WDR1: variants seen among roughly 807,000 people sequenced by gnomAD.
WDR1 encodes the protein WD repeat-containing protein 1.
A neutral mutation model predicts 71.9 loss-of-function variants in WDR1; 21 were observed. The observed-to-expected ratio is 0.29, with a 90% CI of 0.21 to 0.42. The LOEUF (loss-of-function observed/expected upper bound fraction) is 0.42. Ranked by LOEUF, WDR1 falls within the 10% of genes least tolerant of loss-of-function variation. WDR1 has a pLI of 1.00. For missense variants in WDR1, 696 were observed against 824.5 expected (o/e 0.84, Z 1.91); for synonymous variants, 424 against 347.4 (o/e 1.22, Z -2.45).
intron 14 of WDR1, 149 bp from the exon 15 acceptor site, chr4:10,075,633 G>A (rs1018308025): frequency 1.8e-5 from 13 of 716,378 alleles, no homozygotes; most frequent in African/African-American, 3.5e-5. Flanking sequence ...AGCCTGGCAC[G>A]GTGGCAGTGT....
At chr4:10,086,508 G>A (rs778716704) in intron 8 of WDR1, among the ~76,000 whole-genome samples, 13 of 152,194 alleles carry the variant, frequency 8.5e-5, no homozygotes, top group Non-Finnish European at 1.5e-4. Context: ...AAACTCCCAT[G>A]TAGAATGGAT....
chr4:10,099,736 C>T (rs912007505), intron 3 of WDR1, among the ~76,000 whole-genome samples: 4 of 152,282 alleles, frequency 2.6e-5, no homozygotes, highest in Non-Finnish European at 5.9e-5. Context: ...TTCCCAACAG[C>T]GTGCTGCTGC....
At chr4:10,080,433 T>C (rs1764967392) in intron 11 of WDR1, among the ~76,000 whole-genome samples, 1 of 152,254 alleles carries the variant, frequency 6.6e-6, no homozygotes, top group South Asian at 2.1e-4. Flanking sequence ...GGATTCCCTT[T>C]GCACCTCCCC....
rs888644522 is a variant in WDR1, at chr4:10,084,473, T to C, written c.1009A>G (p.Ile337Val). 6.2e-7 allele frequency: 1 copy of C among 1,613,680 alleles called. No homozygotes were observed. The highest frequency in any genetic ancestry group is 8.5e-7 in the Non-Finnish European group (1 of 1,179,798). ...TGTCCGTCGTGGCTCCCAGAGTAAA[T>C]GTAGGACTTGCCGCCGTTTTTATGC... is the stretch of plus-strand genomic sequence containing the variant. ...TVHKNGGKSYIYSGSHDGHIN... is the reference protein window; with the variant it reads ...TVHKNGGKSYVYSGSHDGHIN... Residue 337 changes from isoleucine (I) to valine (V), a missense_variant, in exon 9 of 15, where the codon ATT becomes GTT. By Grantham distance (29) the Ile-to-Val change is conservative (BLOSUM62 3). Transcript: ENST00000499869.
chr4:10,084,860 G>C (rs987457609), intron 8 of WDR1, among the ~76,000 whole-genome samples: 1 of 152,192 alleles, frequency 6.6e-6, no homozygotes, highest in Admixed American at 6.5e-5. Context: ...GTGCAGACAC[G>C]TGGCCTGCAC....
At chr4:10,103,782 A>ACCCCC in intron 3 of WDR1, 114 bp downstream of exon 3, 1 of 72,402 alleles carries the variant, frequency 1.4e-5, no homozygotes, top group South Asian at 1.3e-4. Context: ...CTGCTCCCCC[A>ACCCCC]CCCCCCACCT....
At chr4:10,110,429 C>A (rs1055301471) in intron 2 of WDR1, among the ~76,000 whole-genome samples, 5 of 152,178 alleles carry the variant, frequency 3.3e-5, no homozygotes, top group African/African-American at 9.7e-5. Flanking sequence ...GCTTCAGTAT[C>A]CCTCCCGTTA....
intron 2 of WDR1, among the ~76,000 whole-genome samples, chr4:10,106,055 A>T (rs1055807545): frequency 6.9e-6 from 1 of 143,974 alleles, no homozygotes; most frequent in Non-Finnish European, 1.5e-5. Flanking sequence ...ATTTTAGAAA[A>T]GGCAACCCCA....
chr4:10,103,607 C>T (rs1712836321), intron 3 of WDR1, among the ~76,000 whole-genome samples: 1 of 152,138 alleles, frequency 6.6e-6, no homozygotes, highest in Admixed American at 6.5e-5. Context: ...GAAAAAAAAC[C>T]TCACGTTTTA....
rs1042994542 is a variant in WDR1, at chr4:10,114,142, C to T, written c.138+1971G>A. Among the ~76,000 whole-genome samples, 9 of 152,330 alleles carry T rather than the reference C, an allele frequency of 5.9e-5. No homozygotes were observed. In the East Asian group the frequency reaches 9.6e-4, roughly 16 times the overall value. ...ACTAACAAGAGACTCAGTGCCTGAT[C>T]TACATCCAGCCCAGGGAGGGCTATA... On this transcript the variant is annotated intron_variant, in intron 2 of 14. Coordinates refer to ENST00000499869, the MANE Select transcript of WDR1 (RefSeq NM_017491.5).
chr4:10,075,172 T>C lies in WDR1; in HGVS notation c.*206A>G. On this transcript the variant is annotated 3_prime_UTR_variant, in exon 15 of 15. Transcript: ENST00000499869. ...CATTGTTTAGGTGCTCGCTTTATTT[T>C]TCATGTGCAAACTGTTACTGTCTAA... 1 of 547,068 alleles carries C rather than the reference T, an allele frequency of 1.8e-6. No homozygotes were observed. Among genetic ancestry groups the C allele is most frequent in the Non-Finnish European group, 3.3e-6 (1 of 307,552 alleles). The allele number at this position is 547,068 out of a possible 1,614,324, so 33.9% of individuals were successfully genotyped here. A position where few individuals can be genotyped will look rare whatever the true frequency, so the allele number is the denominator to read the frequency against.
chr4:10,084,495 A>G lies in WDR1; in HGVS notation c.987T>C (p.His329=). 2 of 1,613,884 alleles carry G rather than the reference A, an allele frequency of 1.2e-6. No homozygotes were observed. The highest frequency in any genetic ancestry group is 2.7e-5 in the African/African-American group (2 of 75,026). The part of the protein sequence containing the change: ...HSKSIQCLTV[H]KNGGKSYIYS... The stretch of plus-strand genomic sequence containing the variant: ...AAATGTAGGACTTGCCGCCGTTTTT[A>G]TGCACCGTCAGACACTGGATCGATT... The change falls in exon 9 of 15, where the codon CAT becomes CAC. Residue 329 remains histidine, a synonymous_variant. Coordinates refer to ENST00000499869, the MANE Select transcript of WDR1 (RefSeq NM_017491.5).
intron 4 of WDR1, among the ~76,000 whole-genome samples, chr4:10,098,100 G>A (rs1712463345): frequency 6.6e-6 from 1 of 152,038 alleles, no homozygotes; most frequent in African/African-American, 2.4e-5. Flanking sequence ...GAACAAGATG[G>A]GGCAAGCCGG....
At chr4:10,083,825 A>G (rs556377676) in intron 9 of WDR1, among the ~76,000 whole-genome samples, 1 of 152,302 alleles carries the variant, frequency 6.6e-6, no homozygotes, top group South Asian at 2.1e-4. Context: ...AGCCCCCATC[A>G]TCAGGGAGAA....
intron 6 of WDR1, 113 bp from the exon 7 acceptor site, chr4:10,088,486 G>T: frequency 8.1e-7 from 1 of 1,231,706 alleles, no homozygotes; most frequent in Non-Finnish European, 1.2e-6. Context: ...TAAGCTCCCA[G>T]TGTGGTTTAA....
chr4:10,104,636 T>G (rs1020769140), intron 2 of WDR1, among the ~76,000 whole-genome samples: 9 of 152,174 alleles, frequency 5.9e-5, no homozygotes, highest in African/African-American at 2.2e-4. Context: ...CAACATGTAA[T>G]GTGCTAAAAG....
intron 12 of WDR1, 198 bp downstream of exon 12, chr4:10,078,693 G>GAGGGGAAGTGCCGAGGAGGGT (rs1764891292): frequency 1.9e-6 from 1 of 534,170 alleles, no homozygotes; most frequent in Non-Finnish European, 3.3e-6. Flanking sequence ...CCGAGGAGGG[G>GAGGGGAAGTGCCGAGGAGGGT]AGGGGAAGGC....
chr4:10,101,615 C>G (rs1202208685), intron 3 of WDR1, among the ~76,000 whole-genome samples: 1 of 152,246 alleles, frequency 6.6e-6, no homozygotes, highest in Non-Finnish European at 1.5e-5. Context: ...CCCACGATGG[C>G]CACTTATTTA....
intron 13 of WDR1, 87 bp downstream of exon 13, chr4:10,077,666 G>C: frequency 6.8e-7 from 1 of 1,474,390 alleles, no homozygotes; most frequent in Non-Finnish European, 9.0e-7. Context: ...GACAGGCTCA[G>C]CTCAAGGTCA....
Sources: allele counts gnomAD v4.1 joint callset (sites outside exome capture counted in the v4.1 genomes callset), GRCh38; gene constraint gnomAD v4.1.1; transcripts MANE v1.5; gene names NCBI Gene and HGNC (gene_info 2026-07-23, HGNC 2026-07-21).